ADPGK: variants seen among roughly 807,000 people sequenced by gnomAD.
ADPGK encodes the protein ADP-dependent glucokinase.
In ADPGK, 26 loss-of-function variants were observed where a neutral mutation model predicts 42.4. That is an observed-to-expected ratio of 0.61 (90% CI 0.45 to 0.85). The LOEUF is 0.85. Ranked by LOEUF, ADPGK falls within the 40% of genes least tolerant of loss-of-function variation. The probability of loss-of-function intolerance (pLI) is 0.00; values close to 1 mark genes in which losing one functional copy is unlikely to be tolerated. For missense variants in ADPGK, 571 were observed against 627.0 expected, an observed-to-expected ratio of 0.91 and a Z score of 0.95; for synonymous variants, 267 against 252.6, an observed-to-expected ratio of 1.06 and a Z score of -0.54.
chr15:72,769,750 G>A (rs1319046318), intron 3 of ADPGK, among the ~76,000 whole-genome samples: 1 of 152,178 alleles, frequency 6.6e-6, no homozygotes, highest in Admixed American at 6.6e-5. Flanking sequence ...ATGGCTATTA[G>A]GAGAATGGAT....
chr15:72,758,221 G>A, intron 4 of ADPGK: 1 of 1,164,216 alleles, frequency 8.6e-7, no homozygotes, highest in Non-Finnish European at 1.3e-6. Flanking sequence ...GGGGGCAGAT[G>A]CAAATGGATC....
intron 2 of ADPGK, among the ~76,000 whole-genome samples, chr15:72,772,869 A>G (rs1045386139): frequency 2.0e-5 from 3 of 152,122 alleles, no homozygotes; most frequent in Admixed American, 1.3e-4. Flanking sequence ...GTTGCTAAGG[A>G]TGGATCCATA....
chr15:72,758,125 A>G lies in ADPGK; in HGVS notation c.644-1678T>C, dbSNP rs562773657. The G allele has an allele frequency of 2.4e-3, 3,827 of 1,613,270 alleles. 129 individuals carry two copies. The Admixed American group carries it at 0.053, about 22-fold the overall frequency. On this transcript the variant is annotated intron_variant, in intron 4 of 6. Coordinates refer to ENST00000456471, the MANE Select transcript of ADPGK (RefSeq NM_001365225.1). ...GTCCCTCCATCATGTGCAATCCAGA[A>G]AGGACCACCAGGTCTGGCTGAAACT...
chr15:72,758,832 CA>C (rs2066150913), intron 4 of ADPGK, among the ~76,000 whole-genome samples: 2 of 152,138 alleles, frequency 1.3e-5, no homozygotes, highest in Non-Finnish European at 2.9e-5. Flanking sequence ...CTGTGGGTGC[CA>C]AAAAAACTGA....
chr15:72,753,823 T>C (rs1446882215), intron 6 of ADPGK, among the ~76,000 whole-genome samples: 2 of 152,116 alleles, frequency 1.3e-5, no homozygotes, highest in Non-Finnish European at 2.9e-5. Context: ...GAAATAGAAA[T>C]GGCTCATTTT....
intron 4 of ADPGK, among the ~76,000 whole-genome samples, chr15:72,759,301 C>G (rs2066160639): frequency 6.6e-6 from 1 of 152,198 alleles, no homozygotes; most frequent in South Asian, 2.1e-4. Context: ...TAATCCTTAC[C>G]ACAATGATCA....
At chr15:72,772,023 A>G (rs1480904939) in intron 2 of ADPGK, among the ~76,000 whole-genome samples, 178 bp from the exon 3 acceptor site, 2 of 152,356 alleles carry the variant, frequency 1.3e-5, no homozygotes, top group Non-Finnish European at 2.9e-5. Flanking sequence ...AAAGTGAGTA[A>G]TAAGATGAAG....
rs2066372922 is a variant in ADPGK at position 72,774,974 on chromosome 15, G to A, written c.357C>T (p.Phe119=). The A allele has an allele frequency of 6.2e-7, 1 of 1,614,136 alleles. No homozygotes were observed. Among genetic ancestry groups the A allele is most frequent in the Non-Finnish European group, 8.5e-7 (1 of 1,180,028 alleles). The part of the protein sequence containing the change: ...LHSRNDLEEA[F]IHFMGKGAAA... ...CTGCTCCCTTCCCCATGAAGTGAAT[G>A]AAGGCTTCTTCCAGATCATTCCTTG... is the stretch of plus-strand genomic sequence containing the variant. The change falls in exon 2 of 7, where the codon TTC becomes TTT. Residue 119 remains phenylalanine (F), a synonymous_variant. Coordinates refer to ENST00000456471, the MANE Select transcript of ADPGK (RefSeq NM_001365225.1).
intron 3 of ADPGK, among the ~76,000 whole-genome samples, chr15:72,765,183 C>T (rs1033252858): frequency 2.0e-5 from 3 of 152,084 alleles, no homozygotes; most frequent in Non-Finnish European, 2.9e-5. Flanking sequence ...CTGGCTCTGT[C>T]GCCCAGGCTG....
intron 3 of ADPGK, among the ~76,000 whole-genome samples, chr15:72,767,172 G>A (rs2066270897): frequency 6.6e-6 from 1 of 152,002 alleles, no homozygotes; most frequent in Non-Finnish European, 1.5e-5. Context: ...TCAGAGCAAA[G>A]AATATTATGA....
chr15:72,764,099 T>C (rs964043856), intron 3 of ADPGK, among the ~76,000 whole-genome samples: 4 of 152,204 alleles, frequency 2.6e-5, no homozygotes, highest in Non-Finnish European at 2.9e-5. Context: ...ATGGCCTCTA[T>C]GTGTTCAAGT....
rs2066375511 is a variant in ADPGK at position 72,775,112 on chromosome 15, A to C, written c.234-15T>G. On this transcript the variant is annotated splice_polypyrimidine_tract_variant and intron_variant, in intron 1 of 6. Transcript: ENST00000456471. ...ATGCATTGACTCTAGAAGGAGGAAA[A>C]AAACTGTGTGAAAGCAGCAGAAGCA... The C allele has an allele frequency of 2.5e-6, 4 of 1,610,108 alleles. No homozygotes were observed. The highest frequency in any genetic ancestry group is 3.4e-6 in the Non-Finnish European group (4 of 1,176,720).
At chr15:72,759,402 A>G (rs1205857437) in intron 4 of ADPGK, among the ~76,000 whole-genome samples, 1 of 152,236 alleles carries the variant, frequency 6.6e-6, no homozygotes, top group Admixed American at 6.5e-5. Flanking sequence ...TGAATTGCCT[A>G]CGTCAACGCT....
At chr15:72,761,254 CA>C (rs1481757159) in intron 3 of ADPGK, among the ~76,000 whole-genome samples, 15 of 152,158 alleles carry the variant, frequency 9.9e-5, no homozygotes, top group Non-Finnish European at 1.8e-4. Flanking sequence ...CTTGTGCAGG[CA>C]AACAGACATG....
intron 4 of ADPGK, 73 bp downstream of exon 4, chr15:72,760,332 GCA>G (rs2066175961): frequency 6.9e-7 from 1 of 1,440,144 alleles, no homozygotes; most frequent in Admixed American, 2.2e-5. Flanking sequence ...TAAATTTCCG[GCA>G]CAGTCACACC....
Position 72,760,516 on chromosome 15 carries a change from G to A in ADPGK, c.534C>T (p.Cys178=), listed in dbSNP as rs770921031. ...CATGTAGCTTTGGACCAACTGGACC[G>A]CAAAGAAGAACCTGGAGGCAAGCAA... The part of the protein sequence containing the change: ...AANSDLKVLL[C]GPVGPKLHEL... Residue 178 remains cysteine, a synonymous_variant, in exon 4 of 7, where the codon TGC becomes TGT. Coordinates refer to ENST00000456471, the MANE Select transcript of ADPGK (RefSeq NM_001365225.1). 12 of 1,601,554 alleles carry A rather than the reference G, an allele frequency of 7.5e-6. No individual in the cohort carries two copies. The highest frequency in any genetic ancestry group is 2.2e-5 in the South Asian group (2 of 89,972).
chr15:72,776,048 TGTGG>T (rs1455660542), intron 1 of ADPGK, among the ~76,000 whole-genome samples: 4 of 152,140 alleles, frequency 2.6e-5, no homozygotes, highest in African/African-American at 9.7e-5. Flanking sequence ...ATTCCTTACG[TGTGG>T]GTGGAATTTT....
intron 1 of ADPGK, chr15:72,782,822 T>C (rs1203397302): frequency 1.3e-5 from 2 of 152,192 alleles, no homozygotes; most frequent in Non-Finnish European, 2.9e-5. Flanking sequence ...AGAAAATAAT[T>C]ACATTCCCAA....
Position 72,752,373 on chromosome 15 carries a change from G to C in ADPGK, c.1462C>G (p.Leu488Val), listed in dbSNP as rs2066056207. ...GLGDAISAEG[L>V]FYSEVHPHY ...TGAGGGTGTACTTCCGAATAGAAGA[G>C]TCCTTCGGCTGAAATGGCATCTCCA... Residue 488 changes from leucine (L) to valine (V), a missense_variant, in exon 7 of 7, where the codon CTC becomes GTC. Around this residue, in one of 2 missense-constraint regions of ADPGK, gnomAD observed 434 missense variants for 522.7 expected, o/e 0.83. Transcript: ENST00000456471. 1.2e-6 allele frequency: 2 copies of C among 1,614,018 alleles called. No individual in the cohort carries two copies.
Sources: gnomAD v4.1 joint callset for allele counts (sites outside exome capture counted in the v4.1 genomes callset) on GRCh38, gnomAD v4.1.1 for gene constraint, gnomAD v4.1.1 regional missense constraint, MANE v1.5 for transcripts, NCBI Gene and HGNC (gene_info 2026-07-23, HGNC 2026-07-21) for gene names.